Variants in NHSL1 observed in about 807,000 individuals in gnomAD.
The protein encoded by NHSL1 is NHS-like protein 1.
NHSL1 carries 48 observed loss-of-function variants against 95.0 expected under a neutral mutation model. The ratio of observed to expected loss-of-function variants is 0.51; its 90% CI spans 0.40 to 0.64. The LOEUF is 0.64. NHSL1 is among the 30% of genes least tolerant of loss of function. NHSL1 has a pLI of 0.00. For synonymous variants in NHSL1, 783 were observed against 833.9 expected, an observed-to-expected ratio of 0.94 and a Z score of 1.05; for missense variants, 1,971 against 2,077.7, an observed-to-expected ratio of 0.95 and a Z score of 1.00.
At chr6:138,650,395 C>T (rs970208740) in intron 1 of NHSL1, 15 of 1,417,198 alleles carry the variant, frequency 1.1e-5, no homozygotes, top group African/African-American at 8.6e-5. Flanking sequence ...ATGAGGTCGC[C>T]GACTAGCAGG....
Position 138,597,274 on chromosome 6 carries a change from T to C in NHSL1, c.96+95202A>G, listed in dbSNP as rs376703948. Among the ~76,000 whole-genome samples, 9 of 152,332 alleles carry C rather than the reference T, an allele frequency of 5.9e-5. No individual in the cohort carries two copies. In the South Asian group the frequency reaches 1.9e-3, roughly 32 times the overall value. ...AAAAATGGCTGGTTAGTTTCCGAAG[T>C]TTTGATCTGGTGTCATATAGCCTAA... is the stretch of plus-strand genomic sequence containing the variant. On this transcript the variant is annotated intron_variant, in intron 1 of 3. Coordinates refer to the NHSL1 transcript ENST00000491526.
chr6:138,594,406 C>T (rs1489075046), intron 1 of NHSL1, among the ~76,000 whole-genome samples: 2 of 152,104 alleles, frequency 1.3e-5, no homozygotes, highest in Non-Finnish European at 2.9e-5. Flanking sequence ...AACTCCTCCC[C>T]GGCTCTAAGC....
At chr6:138,673,422 A>AT (rs1478715088) in intron 1 of NHSL1, among the ~76,000 whole-genome samples, 1 of 151,026 alleles carries the variant, frequency 6.6e-6, no homozygotes, top group Non-Finnish European at 1.5e-5. Context: ...CAGACTCAGC[A>AT]TTTTTTACTT....
intron 1 of NHSL1, among the ~76,000 whole-genome samples, chr6:138,612,878 A>C (rs966472117): frequency 6.6e-6 from 1 of 152,190 alleles, no homozygotes; most frequent in African/African-American, 2.4e-5. Flanking sequence ...TCTTTGATGG[A>C]GGAACACTAT....
chr6:138,546,455 A>C (rs909074731), upstream of NHSL1, among the ~76,000 whole-genome samples: 2 of 146,216 alleles, frequency 1.4e-5, no homozygotes, highest in African/African-American at 5.3e-5. Flanking sequence ...AAAAAAAAAA[A>C]AAAACTAGCT....
intron 1 of NHSL1, among the ~76,000 whole-genome samples, chr6:138,517,887 C>T (rs1202520832): frequency 6.6e-6 from 1 of 152,196 alleles, no homozygotes; most frequent in African/African-American, 2.4e-5. Context: ...GCCTAACATC[C>T]CTCAGTTTGT....
At chr6:138,584,497 G>C (rs1784104866) in intron 1 of NHSL1, among the ~76,000 whole-genome samples, 1 of 152,146 alleles carries the variant, frequency 6.6e-6, no homozygotes, top group South Asian at 2.1e-4. Flanking sequence ...TTTAGTGAAG[G>C]GGAATCCAAT....
intron 1 of NHSL1, among the ~76,000 whole-genome samples, chr6:138,657,631 G>A (rs1785172964): frequency 1.3e-5 from 2 of 151,816 alleles, no homozygotes; most frequent in Non-Finnish European, 2.9e-5. Context: ...GGCTAACACG[G>A]TGAAACCCCG....
intron 1 of NHSL1, among the ~76,000 whole-genome samples, chr6:138,554,677 T>C (rs1490636547): frequency 6.6e-6 from 1 of 152,250 alleles, no homozygotes; most frequent in Non-Finnish European, 1.5e-5. Flanking sequence ...ATTTAATTTC[T>C]TTAAGGCCTA....
At chr6:138,642,742 C>A (rs897961761) in intron 1 of NHSL1, among the ~76,000 whole-genome samples, 1 of 151,654 alleles carries the variant, frequency 6.6e-6, no homozygotes, top group African/African-American at 2.4e-5. Context: ...GTGAAGAGGG[C>A]GAGCAGCAGA....
chr6:138,475,256 G>C (rs1471372319), intron 2 of NHSL1, among the ~76,000 whole-genome samples: 1 of 150,774 alleles, frequency 6.6e-6, no homozygotes, highest in Non-Finnish European at 1.5e-5. Context: ...GTCTTACTCT[G>C]TCACGCAGGC....
chr6:138,433,752 CT>C, intron 5 of NHSL1, 72 bp from the exon 6 acceptor site: 1 of 1,383,894 alleles, frequency 7.2e-7, no homozygotes, highest in Non-Finnish European at 9.4e-7. Flanking sequence ...ACCCTCACCC[CT>C]CTGACAGAAT....
intron 1 of NHSL1, among the ~76,000 whole-genome samples, chr6:138,510,872 T>C (rs1781188928): frequency 6.6e-6 from 1 of 152,244 alleles, no homozygotes; most frequent in African/African-American, 2.4e-5. Context: ...TCTAGTACCC[T>C]GGTATTTCTA....
At chr6:138,549,939 TA>T (rs944711627), upstream of NHSL1, among the ~76,000 whole-genome samples, 2 of 151,426 alleles carry the variant, frequency 1.3e-5, no homozygotes, top group Admixed American at 6.6e-5. Context: ...GTTATCATAT[TA>T]AAAAAAAATC....
chr6:138,464,678 T>A (rs550499769), intron 3 of NHSL1, among the ~76,000 whole-genome samples: 1 of 151,834 alleles, frequency 6.6e-6, no homozygotes, highest in African/African-American at 2.4e-5. Context: ...TACGTTCAAA[T>A]AGCTAGATAT....
At chr6:138,498,829 T>A (rs1780508819) in intron 1 of NHSL1, among the ~76,000 whole-genome samples, 1 of 152,320 alleles carries the variant, frequency 6.6e-6, no homozygotes, top group Admixed American at 6.5e-5. Flanking sequence ...TTACCTCAGC[T>A]GCATATTTAT....
intron 1 of NHSL1, among the ~76,000 whole-genome samples, chr6:138,635,434 T>C (rs1784875058): frequency 6.6e-6 from 1 of 151,966 alleles, no homozygotes; most frequent in Non-Finnish European, 1.5e-5. Flanking sequence ...AATTGGAAAA[T>C]CTAGAAATGG....
chr6:138,543,296 A>C (rs2128325723), intron 1 of NHSL1, among the ~76,000 whole-genome samples: 1 of 152,304 alleles, frequency 6.6e-6, no homozygotes, highest in South Asian at 2.1e-4. Context: ...GCACATACAA[A>C]ATGCAGTTGG....
chr6:138,639,015 C>G (rs1333834987), intron 1 of NHSL1, among the ~76,000 whole-genome samples: 2 of 152,026 alleles, frequency 1.3e-5, no homozygotes, highest in African/African-American at 4.8e-5. Flanking sequence ...TTTTTTGTAC[C>G]ATCTGTTTTA....
Sources: gnomAD v4.1 joint callset for allele counts (sites outside exome capture counted in the v4.1 genomes callset) on GRCh38, gnomAD v4.1.1 for gene constraint, MANE v1.5 for transcripts, NCBI Gene and HGNC (gene_info 2026-07-23, HGNC 2026-07-21) for gene names.